The following NEK3 variants were observed in gnomAD, a reference collection of about 807,000 sequenced individuals.
NEK3 encodes the protein NIMA related kinase 3.
A neutral mutation model predicts 66.0 loss-of-function variants in NEK3; 54 were observed. The ratio of observed to expected loss-of-function variants is 0.82; its 90% CI spans 0.66 to 1.03. NEK3 has a LOEUF of 1.03. Among genes scored for constraint, NEK3 ranks in the 50% least tolerant of loss-of-function variants. NEK3 has a pLI of 0.00. For missense variants in NEK3, 593 were observed against 603.0 expected (o/e 0.98, Z 0.17); for synonymous variants, 200 against 206.2 (o/e 0.97, Z 0.26).
intron 14 of NEK3, 109 bp from the exon 15 acceptor site, chr13:52,133,924 C>T: frequency 7.1e-6 from 8 of 1,125,338 alleles, no homozygotes; most frequent in South Asian, 1.6e-5. Flanking sequence ...AATGCCATGT[C>T]CCATAACTCT....
intron 8 of NEK3, among the ~76,000 whole-genome samples, chr13:52,145,507 C>T (rs1956287931): frequency 6.6e-6 from 1 of 151,844 alleles, no homozygotes; most frequent in South Asian, 2.1e-4. Context: ...GACGCAGGGT[C>T]TTGCTATGTT....
intron 8 of NEK3, 94 bp from the exon 9 acceptor site, chr13:52,144,985 A>G (rs994841490): frequency 1.5e-5 from 12 of 819,756 alleles, no homozygotes; most frequent in Middle Eastern, 3.5e-4. Flanking sequence ...TTTTATAAAC[A>G]TATCTGCTGT....
In NEK3 at chr13:52,153,886, A is replaced by G. The variant is rs1956367871; in HGVS notation, c.309+9T>C. 6.3e-7 allele frequency: 1 copy of G among 1,577,104 alleles called. No homozygotes were observed. The highest frequency in any genetic ancestry group is 2.2e-5 in the East Asian group (1 of 44,592). ...ACCTTGAGAGAAACTATGTAAGTCA[A>G]TCTCTTACCATGTCTTCAGGAAATA... On this transcript the variant is annotated intron_variant, in intron 4 of 15. Transcript: ENST00000610828.
At chr13:52,149,201 C>T (rs1202548325) in intron 7 of NEK3, among the ~76,000 whole-genome samples, 2 of 151,642 alleles carry the variant, frequency 1.3e-5, no homozygotes, top group African/African-American at 2.4e-5. Context: ...GCCCAGCCCA[C>T]CTTTTCTTTT....
At chr13:52,159,708 G>A (rs1956428684), upstream of NEK3, 8 of 152,288 alleles carry the variant, frequency 5.3e-5, no homozygotes, top group Admixed American at 5.2e-4. Flanking sequence ...ACGTTTTAAA[G>A]CTGTTGTTCC....
chr13:52,133,759 C>A lies in NEK3; in HGVS notation c.1366G>T (p.Val456Phe), dbSNP rs1302992858. The change falls in exon 15 of 16, where the codon GTT (valine) becomes TTT (phenylalanine). Residue 456 changes from valine (V) to phenylalanine (F), a missense_variant. By Grantham distance (50) the Val-to-Phe change is conservative. Transcript: ENST00000610828. Reference protein sequence around the residue: ...LSEETEASDSVDGGHDSVILD... With the variant: ...LSEETEASDSFDGGHDSVILD... Reference sequence around the variant, plus strand: ...ATGACAGAATCGTGACCTCCATCAACACTGTCCGATGCTTCTGTTTCTTCA... The same window carrying A: ...ATGACAGAATCGTGACCTCCATCAAAACTGTCCGATGCTTCTGTTTCTTCA... 1.9e-6 allele frequency: 3 copies of A among 1,589,654 alleles called. No individual in the cohort carries two copies. In the East Asian group the frequency reaches 6.8e-5, roughly 36 times the overall value.
chr13:52,145,462 C>T (rs1317835034), intron 8 of NEK3, among the ~76,000 whole-genome samples: 1 of 152,094 alleles, frequency 6.6e-6, no homozygotes, highest in Non-Finnish European at 1.5e-5. Flanking sequence ...TGCCACCGCG[C>T]CTGGCTAATT....
intron 11 of NEK3, 63 bp downstream of exon 11, chr13:52,140,957 G>T: frequency 7.4e-7 from 1 of 1,354,542 alleles, no homozygotes; most frequent in Non-Finnish European, 1.0e-6. Flanking sequence ...TGGGATTACA[G>T]GCTTGCACCA....
Position 52,133,829 on chromosome 13 carries a change from T to G in NEK3, c.1310-14A>C, listed in dbSNP as rs560331388. The G allele has an allele frequency of 8.5e-5, 135 of 1,587,590 alleles. 1 individual carries two copies. The South Asian group carries it at 1.5e-3, about 17-fold the overall frequency. ...ACCCTTCTGAACCTTCAGGAGATAT[T>G]AACAGAAAATATACCAATTTAAACA... is the stretch of plus-strand genomic sequence containing the variant. On this transcript the variant is annotated splice_polypyrimidine_tract_variant and intron_variant, in intron 14 of 15. Coordinates refer to ENST00000610828, the MANE Select transcript of NEK3 (RefSeq NM_002498.3).
At position 52,153,666 on chromosome 13, in the gene NEK3, A is replaced by G. The variant is rs370253248; in HGVS notation, c.309+229T>C. Among the ~76,000 whole-genome samples the G allele has an allele frequency of 3.9e-5, 6 of 152,200 alleles. No individual in the cohort carries two copies. In the East Asian group the frequency reaches 9.6e-4, roughly 24 times the overall value. On this transcript the variant is annotated intron_variant, in intron 4 of 15. Transcript: ENST00000610828. ...CGATCTTGAAATTATTCTAAACATG[A>G]AAGTTTTATTTCATAATAATTTATA... is the stretch of plus-strand genomic sequence containing the variant.
At position 52,135,723 on chromosome 13, in the gene NEK3, A is replaced by C. The variant is rs533426693; in HGVS notation, c.1309+6T>G. On this transcript the variant is annotated splice_donor_region_variant and intron_variant, in intron 14 of 15. Transcript: ENST00000610828. ...GTTTCCAAGGTCACATACAGACATG[A>C]ATTACCTGGTCTATATATTGTGTAT... is the stretch of plus-strand genomic sequence containing the variant. 80 of 1,604,298 alleles carry C rather than the reference A, an allele frequency of 5.0e-5. 1 individual carries two copies. In the South Asian group the frequency reaches 9.0e-4, roughly 18 times the overall value.
intron 2 of NEK3, 67 bp from the exon 3 acceptor site, chr13:52,154,240 C>A: frequency 9.8e-7 from 1 of 1,023,826 alleles, no homozygotes. Context: ...TTTACAATAA[C>A]ATGGTTTATA....
intron 11 of NEK3, among the ~76,000 whole-genome samples, chr13:52,138,638 G>A (rs1236870588): frequency 6.6e-6 from 1 of 152,104 alleles, no homozygotes; most frequent in Non-Finnish European, 1.5e-5. Context: ...TTTTTGAATT[G>A]AAAGGTTAGG....
intron 14 of NEK3, among the ~76,000 whole-genome samples, chr13:52,135,219 C>A (rs2138188113): frequency 6.6e-6 from 1 of 152,126 alleles, no homozygotes; most frequent in South Asian, 2.1e-4. Flanking sequence ...ATTTAAAAAT[C>A]AAATCCTAAT....
chr13:52,151,412 C>T lies in NEK3; in HGVS notation c.394-20G>A. ...GATATTCTGCATTTAAAAAGAAAAG[C>T]TCAGATTATGTCTTCTATCATCAAA... On this transcript the variant is annotated intron_variant, in intron 5 of 15. Transcript: ENST00000610828. 6.4e-7 allele frequency: 1 copy of T among 1,559,602 alleles called. No homozygotes were observed. Among genetic ancestry groups the T allele is most frequent in the Non-Finnish European group, 8.7e-7 (1 of 1,149,864 alleles).
At chr13:52,139,817 T>G (rs1956232835) in intron 11 of NEK3, among the ~76,000 whole-genome samples, 1 of 151,492 alleles carries the variant, frequency 6.6e-6, no homozygotes, top group Admixed American at 6.6e-5. Context: ...GAGAATTGCT[T>G]GAACCCGGGA....
chr13:52,153,857 C>T (rs779288683), intron 4 of NEK3, 38 bp downstream of exon 4: 25 of 1,436,004 alleles, frequency 1.7e-5, no homozygotes, highest in African/African-American at 1.4e-5. Flanking sequence ...AAAGTGGCTT[C>T]TAAACCTTGA....
chr13:52,145,880 C>T (rs1335134548), intron 8 of NEK3, among the ~76,000 whole-genome samples: 2 of 152,166 alleles, frequency 1.3e-5, no homozygotes, highest in African/African-American at 4.8e-5. Flanking sequence ...TGCAGCAAAT[C>T]ACCATGGCAC....
Position 52,146,377 on chromosome 13 carries a change from C to T in NEK3, c.604-1486G>A, listed in dbSNP as rs142744320. Among the ~76,000 whole-genome samples, 94 of 145,034 alleles carry T rather than the reference C, an allele frequency of 6.5e-4. 1 individual carries two copies. The East Asian group carries it at 0.016, about 24-fold the overall frequency. On this transcript the variant is annotated intron_variant, in intron 8 of 15. Coordinates refer to ENST00000610828, the MANE Select transcript of NEK3 (RefSeq NM_002498.3). ...ACAAATACTACTGAATCTGCTTTGCCTCTGGCTTTTTAACCATTACACCAA... is the reference window on the plus strand; with the variant it reads ...ACAAATACTACTGAATCTGCTTTGCTTCTGGCTTTTTAACCATTACACCAA...
Sources: gnomAD v4.1 joint callset for allele counts (sites outside exome capture counted in the v4.1 genomes callset) on GRCh38, gnomAD v4.1.1 for gene constraint, MANE v1.5 for transcripts, NCBI Gene and HGNC (gene_info 2026-07-23, HGNC 2026-07-21) for gene names.